LRP1B: variants seen among roughly 807,000 people sequenced by gnomAD.
LRP1B encodes the protein LDL receptor related protein 1B.
LRP1B carries 217 observed loss-of-function variants against 556.6 expected under a neutral mutation model. The ratio of observed to expected loss-of-function variants is 0.39; its 90% CI spans 0.35 to 0.44. LRP1B has a LOEUF of 0.44. LRP1B is among the 20% of genes least tolerant of loss of function. The pLI, the probability that LRP1B is intolerant of heterozygous loss-of-function variation, is 1.00. For synonymous variants in LRP1B, 2,047 were observed against 1,865.8 expected (o/e 1.10, Z -2.50); for missense variants, 5,053 against 5,620.8 (o/e 0.90, Z 3.23).
At chr2:140,559,248 C>T (rs1201714156) in intron 43 of LRP1B, among the ~76,000 whole-genome samples, 2 of 151,234 alleles carry the variant, frequency 1.3e-5, no homozygotes, top group African/African-American at 4.9e-5. Context: ...TCCTAAATAA[C>T]CAAGATAAAA....
chr2:141,971,633 T>C (rs573300965), intron 1 of LRP1B, among the ~76,000 whole-genome samples: 93 of 151,670 alleles, frequency 6.1e-4, no homozygotes, highest in Non-Finnish European at 1.0e-3. Flanking sequence ...TGATGATTTA[T>C]ATTGCAGAGA....
intron 41 of LRP1B, among the ~76,000 whole-genome samples, chr2:140,662,079 T>A (rs1468250283): frequency 1.3e-5 from 2 of 152,010 alleles, no homozygotes; most frequent in Non-Finnish European, 2.9e-5. Flanking sequence ...TAGATTAGTA[T>A]AACTTAGAGT....
At chr2:141,381,604 T>A (rs1458499495) in intron 3 of LRP1B, among the ~76,000 whole-genome samples, 1 of 151,548 alleles carries the variant, frequency 6.6e-6, no homozygotes, top group Non-Finnish European at 1.5e-5. Context: ...CATCAAATTG[T>A]CACAAGTTAA....
intron 1 of LRP1B, among the ~76,000 whole-genome samples, chr2:141,881,495 T>C (rs1053808947): frequency 3.3e-5 from 5 of 152,100 alleles, no homozygotes; most frequent in Non-Finnish European, 5.9e-5. Context: ...AATGTTTGCC[T>C]CTGGGGAGTA....
chr2:141,614,151 A>T (rs887471971), intron 2 of LRP1B, among the ~76,000 whole-genome samples: 52 of 148,594 alleles, frequency 3.5e-4, no homozygotes, highest in African/African-American at 1.2e-3. Flanking sequence ...TGAATGGGTT[A>T]GTAGACACTG....
chr2:141,121,503 C>T (rs1308810744), intron 7 of LRP1B, among the ~76,000 whole-genome samples: 1 of 151,976 alleles, frequency 6.6e-6, no homozygotes, highest in East Asian at 1.9e-4. Context: ...TTCACAACTG[C>T]TTCAAAGAGA....
intron 7 of LRP1B, among the ~76,000 whole-genome samples, chr2:141,149,898 T>C (rs536914913): frequency 6.6e-6 from 1 of 152,336 alleles, no homozygotes; most frequent in East Asian, 1.9e-4. Flanking sequence ...AATTTCTCCT[T>C]TCCTTCTGCA....
intron 20 of LRP1B, among the ~76,000 whole-genome samples, chr2:140,932,215 T>G (rs900918499): frequency 1.3e-5 from 2 of 152,130 alleles, no homozygotes; most frequent in Non-Finnish European, 1.5e-5. Context: ...CTTTTGCCTT[T>G]GTCCAATGAA....
chr2:140,893,820 G>T (rs1431337899), intron 23 of LRP1B, among the ~76,000 whole-genome samples: 3 of 152,062 alleles, frequency 2.0e-5, no homozygotes, highest in African/African-American at 7.2e-5. Flanking sequence ...TAAATGAAGC[G>T]ACATATGTGA....
intron 14 of LRP1B, among the ~76,000 whole-genome samples, chr2:141,011,921 C>A (rs1031947557): frequency 2.0e-5 from 3 of 151,846 alleles, no homozygotes; most frequent in South Asian, 2.1e-4. Context: ...TGTAGGGTAA[C>A]CTTAAAAACA....
chr2:141,857,580 TCCCG>T (rs1421420639), intron 1 of LRP1B, among the ~76,000 whole-genome samples: 6 of 151,860 alleles, frequency 4.0e-5, no homozygotes, highest in Non-Finnish European at 7.4e-5. Context: ...CAAGCTATCC[TCCCG>T]CCTCAACCTC....
At chr2:140,857,380 A>G (rs929785578) in intron 27 of LRP1B, among the ~76,000 whole-genome samples, 5 of 152,132 alleles carry the variant, frequency 3.3e-5, no homozygotes, top group African/African-American at 1.2e-4. Context: ...TTTATTAGTA[A>G]TTTTCCTTTA....
At chr2:140,701,600 TA>T in intron 40 of LRP1B, 120 bp downstream of exon 40, 1 of 924,494 alleles carries the variant, frequency 1.1e-6, no homozygotes, top group Non-Finnish European at 1.6e-6. Flanking sequence ...AAATTAGATG[TA>T]AAGATAATGT....
intron 86 of LRP1B, among the ~76,000 whole-genome samples, chr2:140,257,177 A>C (rs371868268): frequency 6.6e-6 from 1 of 151,630 alleles, no homozygotes; most frequent in Non-Finnish European, 1.5e-5. Flanking sequence ...AAGTTTAATT[A>C]ATCTAGTTTT....
chr2:140,507,649 A>C (rs1574017532), intron 52 of LRP1B, among the ~76,000 whole-genome samples: 1 of 152,192 alleles, frequency 6.6e-6, no homozygotes, highest in East Asian at 1.9e-4. Context: ...GAGAAAGAAA[A>C]AATTAATACC....
intron 2 of LRP1B, among the ~76,000 whole-genome samples, chr2:141,521,275 T>G (rs1416955747): frequency 2.0e-5 from 3 of 152,050 alleles, no homozygotes; most frequent in Non-Finnish European, 4.4e-5. Context: ...AATCTCAAAT[T>G]ATCAATATCA....
At chr2:141,250,931 T>C (rs654180) in intron 4 of LRP1B, among the ~76,000 whole-genome samples, 32,766 of 152,116 alleles carry the variant, frequency 0.22, 3,621 homozygotes, top group South Asian at 0.25. Flanking sequence ...GGTTTCAATA[T>C]AGGGATGTCT....
intron 41 of LRP1B, among the ~76,000 whole-genome samples, chr2:140,643,830 T>C (rs1010472706): frequency 6.6e-6 from 1 of 152,198 alleles, no homozygotes; most frequent in Admixed American, 6.5e-5. Context: ...GTGTGTTCCA[T>C]TTTTCTCCAA....
chr2:140,808,772 G>A (rs1228967375), intron 32 of LRP1B, among the ~76,000 whole-genome samples: 1 of 152,152 alleles, frequency 6.6e-6, no homozygotes, highest in Non-Finnish European at 1.5e-5. Context: ...TCTACAACAA[G>A]TAGTTACATT....
Sources: allele counts gnomAD v4.1 joint callset (sites outside exome capture counted in the v4.1 genomes callset), GRCh38; gene constraint gnomAD v4.1.1; transcripts MANE v1.5; gene names NCBI Gene and HGNC (gene_info 2026-07-23, HGNC 2026-07-21).